SH3BGRL: variants seen among roughly 807,000 people sequenced by gnomAD.
The protein encoded by SH3BGRL is SH3 domain binding glutamate rich protein like.
Under a neutral mutation model 9.8 loss-of-function variants are expected in SH3BGRL, and 7 were observed. The observed-to-expected ratio is 0.72, with a 90% CI of 0.41 to 1.35. The LOEUF is 1.35. Among genes scored for constraint, SH3BGRL ranks in the 40% most tolerant of loss-of-function variants. The pLI, the probability that SH3BGRL is intolerant of heterozygous loss-of-function variation, is 0.01. For synonymous variants in SH3BGRL, 36 were observed against 29.1 expected (o/e 1.24, Z -0.76); for missense variants, 73 against 84.4 (o/e 0.86, Z 0.53).
At chrX:81,263,325 G>T (rs1164469458) in intron 1 of SH3BGRL, among the ~76,000 whole-genome samples, 1 of 111,552 alleles carries the variant, frequency 9.0e-6, no homozygotes, top group Non-Finnish European at 1.9e-5. Flanking sequence ...GAGGGTAGGG[G>T]TTGGAACCGG....
chrX:81,289,571 A>T (rs1335103809), intron 3 of SH3BGRL, among the ~76,000 whole-genome samples: 1 of 110,972 alleles, frequency 9.0e-6, no homozygotes, highest in Non-Finnish European at 1.9e-5. Flanking sequence ...AAACCACTCT[A>T]TAGGGGCCAT....
intron 1 of SH3BGRL, among the ~76,000 whole-genome samples, chrX:81,261,404 G>C (rs985817074): frequency 9.0e-6 from 1 of 111,127 alleles, no homozygotes; most frequent in Non-Finnish European, 1.9e-5. Context: ...ATTATAAGAA[G>C]ACAGTATCTG....
chrX:81,252,114 T>C (rs760409000), intron 1 of SH3BGRL, among the ~76,000 whole-genome samples: 1 of 112,226 alleles, frequency 8.9e-6, no homozygotes, highest in South Asian at 3.7e-4. Context: ...GTATTTATCA[T>C]GTAGATATTT....
In SH3BGRL at chrX:81,277,076, G is replaced by A. The variant is rs138349307; in HGVS notation, c.138G>A (p.Arg46=). 574 of 1,205,984 alleles carry A rather than the reference G, an allele frequency of 4.8e-4. 2 individuals carry two copies. The African/African-American group carries it at 8.3e-3, about 17-fold the overall frequency. ...ATATTGCAGCCAATGAAGAGAATCG[G>A]AAGTGGATGAGAGAAAATGTACCTG... The part of the protein sequence containing the change: ...EKDIAANEEN[R]KWMRENVPEN... Residue 46 remains arginine (R), a synonymous_variant, in exon 2 of 4, where the codon CGG becomes CGA. Transcript: ENST00000373212.
Position 81,278,312 on chromosome X carries a change from T to C in SH3BGRL, c.232-19T>C. The C allele has an allele frequency of 1.8e-6, 2 of 1,117,330 alleles. No homozygotes were observed. The highest frequency in any genetic ancestry group is 2.4e-6 in the Non-Finnish European group (2 of 820,376). 92.1% of individuals were successfully genotyped at this position (1,117,330 alleles called of 1,213,427 possible). ...ATTGGTTGCATATTGCTAATTCATCTTATCTTCTTTTCATCAAGGACTATG... is the reference window on the plus strand; with the variant it reads ...ATTGGTTGCATATTGCTAATTCATCCTATCTTCTTTTCATCAAGGACTATG... On this transcript the variant is annotated intron_variant, in intron 2 of 3. Coordinates refer to ENST00000373212, the MANE Select transcript of SH3BGRL (RefSeq NM_003022.3).
intron 1 of SH3BGRL, among the ~76,000 whole-genome samples, chrX:81,215,106 A>G (rs2075577505): frequency 9.0e-6 from 1 of 110,521 alleles, no homozygotes; most frequent in Non-Finnish European, 1.9e-5. Context: ...AATGGAATTA[A>G]ATCAGAAGTT....
chrX:81,206,527 G>C (rs1162401379), intron 1 of SH3BGRL, among the ~76,000 whole-genome samples: 1 of 111,645 alleles, frequency 9.0e-6, no homozygotes, highest in African/African-American at 3.3e-5. Context: ...TGAATCCAAA[G>C]AATATGTACT....
At chrX:81,220,582 C>CT (rs1352510081) in intron 1 of SH3BGRL, among the ~76,000 whole-genome samples, 1 of 106,951 alleles carries the variant, frequency 9.4e-6, no homozygotes, top group Non-Finnish European at 1.9e-5. Flanking sequence ...TTTCATTGAT[C>CT]TTTTTTAGTG....
chrX:81,273,680 C>T (rs1485617444), intron 1 of SH3BGRL, among the ~76,000 whole-genome samples: 1 of 92,372 alleles, frequency 1.1e-5, no homozygotes, highest in Non-Finnish European at 2.1e-5. Context: ...AAGGTCGACA[C>T]TTTCTTTTAT....
chrX:81,287,273 A>G (rs765260942), intron 3 of SH3BGRL, among the ~76,000 whole-genome samples: 2 of 112,125 alleles, frequency 1.8e-5, no homozygotes, highest in Non-Finnish European at 3.8e-5. Context: ...AATAAAAATC[A>G]TAGATGAAAA....
At chrX:81,245,039 G>A (rs1314729023) in intron 1 of SH3BGRL, among the ~76,000 whole-genome samples, 1 of 112,003 alleles carries the variant, frequency 8.9e-6, no homozygotes, top group Non-Finnish European at 1.9e-5. Flanking sequence ...TTTCTTCAGT[G>A]AATGTCTTCT....
At chrX:81,216,274 T>C (rs929048604) in intron 1 of SH3BGRL, among the ~76,000 whole-genome samples, 1 of 111,145 alleles carries the variant, frequency 9.0e-6, no homozygotes, top group East Asian at 2.8e-4. Flanking sequence ...TTATTTACTT[T>C]GTTTTTGCTT....
chrX:81,278,238 C>T, intron 2 of SH3BGRL, 93 bp from the exon 3 acceptor site: 2 of 615,410 alleles, frequency 3.2e-6, no homozygotes, highest in South Asian at 6.3e-5. Context: ...GTTGGGATTA[C>T]AGGCGTGAGC....
chrX:81,240,151 C>T (rs778685061), intron 1 of SH3BGRL, among the ~76,000 whole-genome samples: 1 of 112,188 alleles, frequency 8.9e-6, no homozygotes, highest in Non-Finnish European at 1.9e-5. Context: ...TGGTGTGTAA[C>T]ACTCTTATCC....
intron 1 of SH3BGRL, among the ~76,000 whole-genome samples, chrX:81,260,349 T>A (rs2075737449): frequency 9.0e-6 from 1 of 111,374 alleles, no homozygotes; most frequent in Non-Finnish European, 1.9e-5. Flanking sequence ...TCTTTATCTA[T>A]GAATTTGGAA....
chrX:81,225,356 C>A (rs1434670051), intron 1 of SH3BGRL, among the ~76,000 whole-genome samples: 1 of 110,994 alleles, frequency 9.0e-6, no homozygotes, highest in Non-Finnish European at 1.9e-5. Context: ...CACTCATCAT[C>A]TAAATAGTGT....
intron 3 of SH3BGRL, among the ~76,000 whole-genome samples, chrX:81,284,995 GGGTTAAC>G (rs1245189743): frequency 9.9e-5 from 11 of 110,769 alleles, no homozygotes; most frequent in Non-Finnish European, 1.5e-4. Flanking sequence ...CTGATAGACT[GGGTTAAC>G]AAGAATAGGT....
intron 1 of SH3BGRL, among the ~76,000 whole-genome samples, chrX:81,223,500 G>A (rs983920189): frequency 3.6e-5 from 4 of 110,378 alleles, no homozygotes; most frequent in African/African-American, 1.3e-4. Flanking sequence ...AATTCTGAAA[G>A]AGCTAATTTT....
At chrX:81,270,134 G>T (rs2075773125) in intron 1 of SH3BGRL, among the ~76,000 whole-genome samples, 1 of 110,419 alleles carries the variant, frequency 9.1e-6, no homozygotes, top group South Asian at 3.9e-4. Context: ...CTTTTGTCAA[G>T]GTTTTTATCC....
Sources: gnomAD v4.1 joint callset for allele counts (sites outside exome capture counted in the v4.1 genomes callset) on GRCh38, gnomAD v4.1.1 for gene constraint, MANE v1.5 for transcripts, NCBI Gene and HGNC (gene_info 2026-07-23, HGNC 2026-07-21) for gene names.